ZNF827: variants seen among roughly 807,000 people sequenced by gnomAD.
ZNF827 encodes the protein zinc finger protein 827.
A neutral mutation model predicts 102.4 loss-of-function variants in ZNF827; 13 were observed. The ratio of observed to expected loss-of-function variants is 0.13; its 90% CI spans 0.08 to 0.20. The LOEUF (loss-of-function observed/expected upper bound fraction) is 0.20. ZNF827 is among the 10% of genes least tolerant of loss of function. The pLI is 1.00. For missense variants in ZNF827, 1,103 were observed against 1,344.4 expected, an observed-to-expected ratio of 0.82 and a Z score of 2.81; for synonymous variants, 523 against 536.2, an observed-to-expected ratio of 0.98 and a Z score of 0.34.
intron 2 of ZNF827, among the ~76,000 whole-genome samples, chr4:145,893,761 C>G (rs1017210052): frequency 6.6e-6 from 1 of 152,160 alleles, no homozygotes; most frequent in Non-Finnish European, 1.5e-5. Flanking sequence ...CTCTATATAA[C>G]TAACCCTTTA....
At chr4:145,927,622 G>A (rs765101110) in intron 1 of ZNF827, among the ~76,000 whole-genome samples, 56 of 152,228 alleles carry the variant, frequency 3.7e-4, no homozygotes, top group Non-Finnish European at 6.9e-4. Context: ...ATTTATAGTG[G>A]CCAAAACCAT....
intron 8 of ZNF827, among the ~76,000 whole-genome samples, chr4:145,793,979 A>C (rs908593552): frequency 6.6e-6 from 1 of 151,944 alleles, no homozygotes; most frequent in Admixed American, 6.6e-5. Flanking sequence ...CTCCCTCTTC[A>C]CCTCATCCCC....
chr4:145,901,087 T>C (rs1485178526), intron 2 of ZNF827, among the ~76,000 whole-genome samples: 1 of 152,194 alleles, frequency 6.6e-6, no homozygotes, highest in Non-Finnish European at 1.5e-5. Context: ...AAATGGAAAT[T>C]TGTCATAAAT....
In ZNF827 at chr4:145,902,670, A is replaced by G; in HGVS notation, c.589T>C (p.Leu197=). ...CTGCAGGTGGTGGTTGAGTTTGGCAACCACTTACCTTGATTCCATATAAAA... is the reference window on the plus strand; with the variant it reads ...CTGCAGGTGGTGGTTGAGTTTGGCAGCCACTTACCTTGATTCCATATAAAA... ...NRFIWNQGKW[L]PNSTTTCSLS... is the part of the protein sequence containing the mutation. The change falls in exon 2 of 15, where the codon TTG becomes CTG. Residue 197 remains leucine (L), a synonymous_variant. Coordinates refer to ENST00000508784, the MANE Select transcript of ZNF827 (RefSeq NM_001306215.2). This position sits in a 1 kb window ranked among gnomAD's most constrained non-coding sequence, Gnocchi z 4.3. 6.2e-7 allele frequency: 1 copy of G among 1,613,974 alleles called. No homozygotes were observed. The highest frequency in any genetic ancestry group is 8.5e-7 in the Non-Finnish European group (1 of 1,180,032).
At chr4:145,814,210 A>G (rs1742336682) in intron 8 of ZNF827, among the ~76,000 whole-genome samples, 1 of 152,044 alleles carries the variant, frequency 6.6e-6, no homozygotes, top group Admixed American at 6.5e-5. Context: ...AATCTGAAAT[A>G]CTCTTCTGAT....
intron 8 of ZNF827, among the ~76,000 whole-genome samples, chr4:145,787,491 G>C (rs970794661): frequency 6.7e-6 from 1 of 149,310 alleles, no homozygotes; most frequent in Non-Finnish European, 1.5e-5. Flanking sequence ...AAAAGAAATA[G>C]TTTTTGTCAA....
chr4:145,764,813 G>T, intron 13 of ZNF827, 175 bp downstream of exon 13: 1 of 789,570 alleles, frequency 1.3e-6, no homozygotes, highest in Non-Finnish European at 2.1e-6. Context: ...ACACCCTAGG[G>T]GGACAGGTCT....
At chr4:145,930,759 C>T (rs1409303796) in intron 1 of ZNF827, among the ~76,000 whole-genome samples, 2 of 152,184 alleles carry the variant, frequency 1.3e-5, no homozygotes, top group Admixed American at 6.5e-5. Context: ...CTAAAGGCCA[C>T]ATTCTGACCT....
intron 4 of ZNF827, among the ~76,000 whole-genome samples, chr4:145,873,851 C>T (rs1406112739): frequency 2.0e-5 from 3 of 152,170 alleles, no homozygotes; most frequent in Non-Finnish European, 4.4e-5. Flanking sequence ...CAAGGGCACC[C>T]TAGTTCATCA....
chr4:145,837,384 T>C (rs1340924003), intron 7 of ZNF827, among the ~76,000 whole-genome samples: 4 of 152,230 alleles, frequency 2.6e-5, no homozygotes, highest in Admixed American at 6.5e-5. Context: ...TGCTACAGGG[T>C]ACAGCCCATT....
At chr4:145,863,013 T>C (rs1211798272) in intron 5 of ZNF827, among the ~76,000 whole-genome samples, 1 of 152,186 alleles carries the variant, frequency 6.6e-6, no homozygotes, top group Admixed American at 6.5e-5. Flanking sequence ...AAGAGACTTA[T>C]GTCCAGAATA....
At chr4:145,920,092 G>C (rs149162714) in intron 1 of ZNF827, among the ~76,000 whole-genome samples, 92 of 152,342 alleles carry the variant, frequency 6.0e-4, no homozygotes, top group Non-Finnish European at 1.1e-3. Flanking sequence ...AAAGCACCTG[G>C]CACAGAGTTG....
In ZNF827 at chr4:145,761,005, T is replaced by C; in HGVS notation, c.*611A>G. 1 of 1,268,678 alleles carries C rather than the reference T, an allele frequency of 7.9e-7. No homozygotes were observed. The highest frequency in any genetic ancestry group is 1.0e-6 in the Non-Finnish European group (1 of 977,358). The allele number at this position is 1,268,678 out of a possible 1,614,324, so 78.6% of individuals were successfully genotyped here. ...GAAGGCCAAAGCCTTGAGTGCCAGG[T>C]TGGGCTCTGAGCTGCTGCCGTGGGC... On this transcript the variant is annotated 3_prime_UTR_variant, in exon 15 of 15. Transcript: ENST00000508784. This position sits in a 1 kb window ranked among gnomAD's most constrained non-coding sequence, Gnocchi z 6.8.
chr4:145,928,009 G>A (rs950777800), intron 1 of ZNF827, among the ~76,000 whole-genome samples: 62 of 152,204 alleles, frequency 4.1e-4, no homozygotes, highest in Non-Finnish European at 3.5e-4. Flanking sequence ...GAAGACTGCA[G>A]TCTGTGTCTC....
At chr4:145,876,512 G>C (rs1749166025) in intron 4 of ZNF827, 2 of 152,326 alleles carry the variant, frequency 1.3e-5, no homozygotes, top group South Asian at 4.1e-4. Context: ...CATATGGATA[G>C]AGCTAGATCT....
chr4:145,896,778 C>A (rs749178798), intron 2 of ZNF827, among the ~76,000 whole-genome samples: 2 of 152,112 alleles, frequency 1.3e-5, no homozygotes, highest in African/African-American at 2.4e-5. Flanking sequence ...CAAAAATGAA[C>A]CTGGAGCAGC....
chr4:145,787,811 C>T (rs1359373043), intron 8 of ZNF827, among the ~76,000 whole-genome samples: 1 of 152,130 alleles, frequency 6.6e-6, no homozygotes, highest in African/African-American at 2.4e-5. Flanking sequence ...CCTTCATTTT[C>T]AGGAGGGCAA....
intron 5 of ZNF827, among the ~76,000 whole-genome samples, chr4:145,850,607 A>G (rs954498363): frequency 7.2e-5 from 11 of 152,188 alleles, no homozygotes; most frequent in Non-Finnish European, 1.6e-4. Context: ...ATGTCCATCT[A>G]TTGCTTAGAG....
At chr4:145,882,887 A>T (rs1749792125) in intron 4 of ZNF827, among the ~76,000 whole-genome samples, 1 of 152,156 alleles carries the variant, frequency 6.6e-6, no homozygotes, top group Admixed American at 6.5e-5. Flanking sequence ...AAGGCCCGAG[A>T]CTAGCCACTA....
Sources: gnomAD v4.1 joint callset for allele counts (sites outside exome capture counted in the v4.1 genomes callset) on GRCh38, gnomAD v4.1.1 for gene constraint, Gnocchi (gnomAD v3.1) non-coding constraint, MANE v1.5 for transcripts, NCBI Gene and HGNC (gene_info 2026-07-23, HGNC 2026-07-21) for gene names.